XDH: variants seen among roughly 807,000 people sequenced by gnomAD.
XDH encodes the protein xanthine dehydrogenase/oxidase.
In XDH, 138 loss-of-function variants were observed where a neutral mutation model predicts 156.1. The observed-to-expected ratio is 0.88, with a 90% confidence interval of 0.77 to 1.02. The LOEUF is 1.02. XDH is among the 50% of genes least tolerant of loss of function. The pLI, the probability that XDH is intolerant of heterozygous loss-of-function variation, is 0.00. For missense variants in XDH, 1,849 were observed against 1,684.9 expected (o/e 1.10, Z -1.71); for synonymous variants, 669 against 625.7 (o/e 1.07, Z -1.03).
chr2:31,358,694 A>G (rs1447470163), intron 24 of XDH, among the ~76,000 whole-genome samples: 5 of 152,168 alleles, frequency 3.3e-5, no homozygotes, highest in Non-Finnish European at 5.9e-5. Flanking sequence ...AAAGCATTTG[A>G]CAAAATTCAA....
At chr2:31,362,213 C>T (rs147541468) in intron 24 of XDH, among the ~76,000 whole-genome samples, 2 of 152,156 alleles carry the variant, frequency 1.3e-5, no homozygotes, top group African/African-American at 2.4e-5. Context: ...ATGTTCGAGG[C>T]ACCATTGACT....
At chr2:31,336,197 T>C (rs1027325633) in intron 35 of XDH, among the ~76,000 whole-genome samples, 189 bp from the exon 36 acceptor site, 5 of 152,262 alleles carry the variant, frequency 3.3e-5, no homozygotes, top group African/African-American at 1.2e-4. Context: ...TTATTTTCAC[T>C]GAGCACTTTC....
chr2:31,362,971 T>C (rs1371233018), intron 24 of XDH, among the ~76,000 whole-genome samples: 1 of 152,226 alleles, frequency 6.6e-6, no homozygotes, highest in Non-Finnish European at 1.5e-5. Flanking sequence ...ATCCCTATGA[T>C]GGAATATTAT....
chr2:31,397,692 G>A lies in XDH; in HGVS notation c.471C>T (p.Leu157=). Residue 157 remains leucine, a synonymous_variant, in exon 6 of 36, where the codon CTC becomes CTT. Transcript: ENST00000379416. Reference sequence around the variant, plus strand: ...CCCTGGCAAAGGTCCGGAAGCCCTGGAGGATGGGTCTGTAGCCTGTGCAGC... The same window carrying A: ...CCCTGGCAAAGGTCCGGAAGCCCTGAAGGATGGGTCTGTAGCCTGTGCAGC... The part of the protein sequence containing the change: ...LCRCTGYRPI[L]QGFRTFARDG... 6.2e-7 allele frequency: 1 copy of A among 1,614,210 alleles called. No homozygotes were observed. The highest frequency in any genetic ancestry group is 8.5e-7 in the Non-Finnish European group (1 of 1,180,034).
chr2:31,365,054 C>T (rs2148766571), intron 23 of XDH, among the ~76,000 whole-genome samples: 1 of 152,344 alleles, frequency 6.6e-6, no homozygotes, highest in East Asian at 1.9e-4. Context: ...CATCTTGGGC[C>T]TGTCCAGGCC....
intron 2 of XDH, among the ~76,000 whole-genome samples, chr2:31,403,652 G>A (rs955280228): frequency 6.6e-6 from 1 of 152,190 alleles, no homozygotes; most frequent in Admixed American, 6.5e-5. Flanking sequence ...ATTAGGGCTA[G>A]ACCAGAGGCT....
chr2:31,384,682 T>C (rs931169616), intron 9 of XDH, among the ~76,000 whole-genome samples: 4 of 152,030 alleles, frequency 2.6e-5, no homozygotes, highest in African/African-American at 9.7e-5. Flanking sequence ...TGCCCCCCCT[T>C]CCCCCCAGGT....
intron 29 of XDH, among the ~76,000 whole-genome samples, 192 bp downstream of exon 29, chr2:31,347,330 T>C (rs1372828113): frequency 6.6e-6 from 1 of 152,132 alleles, no homozygotes; most frequent in Non-Finnish European, 1.5e-5. Context: ...TTGAGGGCAG[T>C]GATTATGATT....
chr2:31,383,113 T>TC lies in XDH; in HGVS notation c.925dup (p.Glu309GlyfsTer10). 1 of 1,614,188 alleles carries TC rather than the reference T, an allele frequency of 6.2e-7. No individual in the cohort carries two copies. The highest frequency in any genetic ancestry group is 8.5e-7 in the Non-Finnish European group (1 of 1,180,034). Reference sequence around the variant, plus strand: ...AGCAACAGCATCCACCAGGGTTTTTTCCACAATGCTCAGGGGGCAAGCAGC... The same window carrying TC: ...AGCAACAGCATCCACCAGGGTTTTTTCCCACAATGCTCAGGGGGCAAGCAGC... On this transcript the variant is annotated frameshift_variant, in exon 11 of 36. Coordinates refer to ENST00000379416, the MANE Select transcript of XDH (RefSeq NM_000379.4). LOFTEE classifies it high-confidence loss of function.
At chr2:31,350,952 C>A (rs1685461898) in intron 24 of XDH, among the ~76,000 whole-genome samples, 2 of 151,146 alleles carry the variant, frequency 1.3e-5, no homozygotes, top group African/African-American at 4.9e-5. Flanking sequence ...CAACTACTTA[C>A]AATTCTCATA....
chr2:31,342,165 GT>G lies in XDH; in HGVS notation c.3519+17del. 6.2e-7 allele frequency: 1 copy of G among 1,608,142 alleles called. No homozygotes were observed. The highest frequency in any genetic ancestry group is 8.5e-7 in the Non-Finnish European group (1 of 1,174,838). ...CTTCTCTTTCCCACTAAGTACTAAAGTTTTGCAAACTTCTTACCTTATGATC... is the reference window on the plus strand; with the variant it reads ...CTTCTCTTTCCCACTAAGTACTAAAGTTTGCAAACTTCTTACCTTATGATC... On this transcript the variant is annotated intron_variant, in intron 32 of 35. Coordinates refer to ENST00000379416, the MANE Select transcript of XDH (RefSeq NM_000379.4).
At chr2:31,349,566 G>A in intron 26 of XDH, 120 bp downstream of exon 26, 2 of 1,441,968 alleles carry the variant, frequency 1.4e-6, no homozygotes, top group Non-Finnish European at 1.9e-6. Flanking sequence ...GAATGAGTTG[G>A]CAAACTCAGC....
intron 29 of XDH, 41 bp downstream of exon 29, chr2:31,347,481 G>C (rs1685330812): frequency 6.2e-7 from 1 of 1,612,382 alleles, no homozygotes; most frequent in South Asian, 1.1e-5. Flanking sequence ...CCACAGCTCT[G>C]GGCTGGCCCT....
At chr2:31,366,802 C>A in intron 21 of XDH, 68 bp downstream of exon 21, 3 of 1,611,326 alleles carry the variant, frequency 1.9e-6, no homozygotes, top group South Asian at 1.1e-5. Context: ...TCCCACATGG[C>A]CCTCCTGGTC....
At chr2:31,390,319 T>C (rs1046694091) in intron 6 of XDH, among the ~76,000 whole-genome samples, 4 of 152,184 alleles carry the variant, frequency 2.6e-5, no homozygotes, top group African/African-American at 9.7e-5. Context: ...GCAATTAAGG[T>C]TTGTCTATGT....
At chr2:31,364,679 T>C in intron 23 of XDH, among the ~76,000 whole-genome samples, 1 of 152,178 alleles carries the variant, frequency 6.6e-6, no homozygotes, top group East Asian at 1.9e-4. Context: ...ACGCAAATCC[T>C]TGACCTTATG....
rs1685010622 is a variant in XDH at position 31,337,887 on chromosome 2, TAGG to T, written c.3775-73_3775-71del. On this transcript the variant is annotated intron_variant, in intron 34 of 35. Coordinates refer to ENST00000379416, the MANE Select transcript of XDH (RefSeq NM_000379.4). ...CTGCCTCCACATCATCAAGTGGACC[TAGG>T]AGGCCAGGCAGCAAACTCTGCACGA... is the stretch of plus-strand genomic sequence containing the variant. 12 of 1,551,840 alleles carry T rather than the reference TAGG, an allele frequency of 7.7e-6. 1 individual carries two copies. In the South Asian group the frequency reaches 8.3e-5, roughly 11 times the overall value.
chr2:31,351,719 T>A (rs1685486624), intron 24 of XDH, among the ~76,000 whole-genome samples: 2 of 152,258 alleles, frequency 1.3e-5, no homozygotes, highest in African/African-American at 4.8e-5. Flanking sequence ...CTTGCATGTC[T>A]GAAATGTCTT....
At chr2:31,387,535 G>A (rs1463899060) in intron 8 of XDH, among the ~76,000 whole-genome samples, 1 of 152,132 alleles carries the variant, frequency 6.6e-6, no homozygotes, top group Non-Finnish European at 1.5e-5. Flanking sequence ...TGCCTAGAGA[G>A]CCAGTCCCTA....
Sources: gnomAD v4.1 joint callset for allele counts (sites outside exome capture counted in the v4.1 genomes callset) on GRCh38, gnomAD v4.1.1 for gene constraint, MANE v1.5 for transcripts, NCBI Gene and HGNC (gene_info 2026-07-23, HGNC 2026-07-21) for gene names.